ZCCHC14: variants seen among roughly 807,000 people sequenced by gnomAD.
ZCCHC14 encodes zinc finger CCHC domain-containing protein 14.
A neutral mutation model predicts 85.0 loss-of-function variants in ZCCHC14; 16 were observed. That is an observed-to-expected ratio of 0.19 (90% confidence interval 0.13 to 0.29). The LOEUF is 0.29. Ranked by LOEUF, ZCCHC14 falls within the 10% of genes least tolerant of loss-of-function variation. The pLI is 1.00. For synonymous variants in ZCCHC14, 775 were observed against 630.7 expected (o/e 1.23, Z -3.43); for missense variants, 1,303 against 1,443.5 (o/e 0.90, Z 1.58).
intron 2 of ZCCHC14, among the ~76,000 whole-genome samples, chr16:87,450,836 G>A (rs926797653): frequency 2.0e-5 from 3 of 151,980 alleles, no homozygotes; most frequent in African/African-American, 4.8e-5. Flanking sequence ...GATTACAAGC[G>A]TGAGCCACTG....
intron 12 of ZCCHC14, among the ~76,000 whole-genome samples, chr16:87,410,560 C>T (rs1460634162): frequency 6.6e-6 from 1 of 152,178 alleles, no homozygotes; most frequent in Admixed American, 6.5e-5. Context: ...AAAAGTTCAC[C>T]ATCTTTTTCT....
intron 1 of ZCCHC14, chr16:87,472,184 G>A (rs1385275322): frequency 6.6e-6 from 1 of 152,202 alleles, no homozygotes; most frequent in Non-Finnish European, 1.5e-5. Context: ...GATGCCAAAT[G>A]CCGGCCCTAC....
chr16:87,475,905 G>C (rs916789918), intron 1 of ZCCHC14, among the ~76,000 whole-genome samples: 3 of 152,084 alleles, frequency 2.0e-5, no homozygotes, highest in Admixed American at 2.0e-4. Context: ...GTAAGTTCAG[G>C]ACACCAAATA....
intron 2 of ZCCHC14, 88 bp from the exon 3 acceptor site, chr16:87,433,289 A>C: frequency 7.6e-7 from 1 of 1,311,792 alleles, no homozygotes; most frequent in Non-Finnish European, 1.1e-6. Flanking sequence ...GCAGTTTTCA[A>C]AACCAGGTTC....
At chr16:87,455,783 C>T (rs1357103116) in intron 2 of ZCCHC14, among the ~76,000 whole-genome samples, 2 of 152,194 alleles carry the variant, frequency 1.3e-5, no homozygotes, top group African/African-American at 4.8e-5. Flanking sequence ...CTGCTTCGAG[C>T]GCCCATACAA....
chr16:87,410,314 G>C lies in ZCCHC14; in HGVS notation c.3227C>G (p.Ala1076Gly). 1 of 776,398 alleles carries C rather than the reference G, an allele frequency of 1.3e-6. No individual in the cohort carries two copies. Among genetic ancestry groups the C allele is most frequent in the Non-Finnish European group, 2.4e-6 (1 of 416,500 alleles). The allele number at this position is 776,398 out of a possible 1,614,324, so 48.1% of individuals were successfully genotyped here. A position where few individuals can be genotyped will look rare whatever the true frequency, so the allele number is the denominator to read the frequency against. The part of the protein sequence containing the change: ...NRPGTFRLKY[A>G]PPAESLDSTD The stretch of plus-strand genomic sequence containing the variant: ...GGAGTCCAGACTTTCTGCTGGAGGG[G>C]CGTATTTCAACCTAAAAGTACCTAG... Residue 1076 changes from alanine to glycine, a missense_variant, in exon 13 of 13, where the codon GCC (alanine) becomes GGC (glycine). Ala to Gly is a moderately conservative substitution (Grantham distance 60, BLOSUM62 0). Around this residue, in one of 7 missense-constraint regions of ZCCHC14, gnomAD observed 797 missense variants for 730.8 expected, o/e 1.09. Coordinates refer to ENST00000671377, the MANE Select transcript of ZCCHC14 (RefSeq NM_015144.3).
At chr16:87,471,320 G>A (rs895096136) in intron 1 of ZCCHC14, 1 of 152,346 alleles carries the variant, frequency 6.6e-6, no homozygotes. Flanking sequence ...CAGTTTAAGA[G>A]TGAAAGCTAT....
Position 87,411,868 on chromosome 16 carries a change from G to C in ZCCHC14, c.2853C>G (p.Phe951Leu). 6.2e-7 allele frequency: 1 copy of C among 1,605,374 alleles called. No individual in the cohort carries two copies. The highest frequency in any genetic ancestry group is 8.5e-7 in the Non-Finnish European group (1 of 1,176,570). ...GGAAGGTGAACACGGACGGACCGGA[G>C]AACGGGTGCTGGAAGTAGTTGGCGT... ...VSYANYFQHP[F>L]SGPSVFTFPF... The change falls in exon 12 of 13, where the codon TTC becomes TTG. Residue 951 changes from phenylalanine (F) to leucine (L), a missense_variant. Physicochemically the swap from Phe to Leu is conservative, Grantham distance 22. This residue lies in a region of ZCCHC14 where 797 missense variants were observed against 730.8 expected (regional missense o/e 1.09). Transcript: ENST00000671377.
intron 9 of ZCCHC14, 112 bp from the exon 10 acceptor site, chr16:87,414,653 A>G: frequency 7.1e-7 from 1 of 1,417,278 alleles, no homozygotes; most frequent in South Asian, 1.4e-5. Flanking sequence ...ATACAGGGCG[A>G]CTTCGAGATG....
intron 1 of ZCCHC14, chr16:87,472,031 C>T (rs932200874): frequency 6.6e-6 from 1 of 152,182 alleles, no homozygotes; most frequent in African/African-American, 2.4e-5. Flanking sequence ...TACTACCCTC[C>T]ACTAAAAAAA....
At chr16:87,453,816 G>A (rs141721149) in intron 2 of ZCCHC14, among the ~76,000 whole-genome samples, 2 of 152,308 alleles carry the variant, frequency 1.3e-5, no homozygotes, top group African/African-American at 2.4e-5. Context: ...AAGAGAAAAC[G>A]CGATGAATGG....
In ZCCHC14 at chr16:87,412,146, T is replaced by A. The variant is rs750108270; in HGVS notation, c.2575A>T (p.Thr859Ser). ...HPSTSFANMA[T>S]LPSCPAPSSS... Reference sequence around the variant, plus strand: ...CTGGGGGCTGGGCAGCTGGGCAACGTGGCCATGTTGGCAAAGGACGTGGAG... The same window carrying A: ...CTGGGGGCTGGGCAGCTGGGCAACGAGGCCATGTTGGCAAAGGACGTGGAG... The change falls in exon 12 of 13, where the codon ACG (threonine) becomes TCG (serine). Residue 859 changes from threonine to serine, a missense_variant. Coordinates refer to ENST00000671377, the MANE Select transcript of ZCCHC14 (RefSeq NM_015144.3). The A allele has an allele frequency of 1.4e-5, 22 of 1,613,814 alleles. No individual in the cohort carries two copies. The African/African-American group carries it at 2.5e-4, about 19-fold the overall frequency.
At chr16:87,489,169 A>T (rs1912641628) in intron 1 of ZCCHC14, among the ~76,000 whole-genome samples, 1 of 152,212 alleles carries the variant, frequency 6.6e-6, no homozygotes, top group African/African-American at 2.4e-5. Flanking sequence ...ACAGAAACGA[A>T]AGTTAAATGA....
chr16:87,413,092 C>G lies in ZCCHC14; in HGVS notation c.1707G>C (p.Arg569=). The G allele has an allele frequency of 1.2e-6, 2 of 1,614,116 alleles. No individual in the cohort carries two copies. The highest frequency in any genetic ancestry group is 8.5e-7 in the Non-Finnish European group (1 of 1,180,018). Residue 569 remains arginine, a synonymous_variant, in exon 11 of 13, where the codon CGG becomes CGC. Coordinates refer to ENST00000671377, the MANE Select transcript of ZCCHC14 (RefSeq NM_015144.3). ...CCTCAGCGCTGTCGGAGCTCTCTTCCCGGGCCTGTACCCCCATGGGGCTGG... is the reference window on the plus strand; with the variant it reads ...CCTCAGCGCTGTCGGAGCTCTCTTCGCGGGCCTGTACCCCCATGGGGCTGG... ...SSSSPMGVQA[R]EESSDSAEEN...
chr16:87,455,401 C>T (rs906787379), intron 2 of ZCCHC14, among the ~76,000 whole-genome samples: 1 of 152,102 alleles, frequency 6.6e-6, no homozygotes, highest in Non-Finnish European at 1.5e-5. Context: ...GCTTCTGTGT[C>T]ACATGGAGTG....
rs1172046310 is a variant in ZCCHC14 at position 87,491,041 on chromosome 16, T to C, written c.570+628A>G. 6.6e-6 allele frequency among the ~76,000 whole-genome samples: 1 copy of C among 152,242 alleles called. No homozygotes were observed. The highest frequency in any genetic ancestry group is 2.4e-5 in the African/African-American group (1 of 41,468). On this transcript the variant is annotated intron_variant, in intron 1 of 12. Coordinates refer to ENST00000671377, the MANE Select transcript of ZCCHC14 (RefSeq NM_015144.3). The surrounding 1 kb of genome is among the most constrained non-coding windows in gnomAD (Gnocchi z 5.9). ...TGGCGTGGCCACGGCTCCTTCCTTT[T>C]CTGGTAATAAATACCAGATTTGGGG...
chr16:87,414,087 G>C (rs1908634036), intron 10 of ZCCHC14, among the ~76,000 whole-genome samples: 1 of 152,252 alleles, frequency 6.6e-6, no homozygotes, highest in Non-Finnish European at 1.5e-5. Flanking sequence ...GGCCCTCTCT[G>C]TGTCTGCGTA....
intron 1 of ZCCHC14, among the ~76,000 whole-genome samples, chr16:87,489,860 CACATTA>C (rs1243006232): frequency 1.3e-5 from 2 of 152,198 alleles, no homozygotes; most frequent in Non-Finnish European, 2.9e-5. Context: ...CCCGTGCTCA[CACATTA>C]AGAATCCCCT....
At chr16:87,431,850 C>G (rs1424049334) in intron 3 of ZCCHC14, among the ~76,000 whole-genome samples, 1 of 152,180 alleles carries the variant, frequency 6.6e-6, no homozygotes, top group Non-Finnish European at 1.5e-5. Flanking sequence ...TGGTCTTTCC[C>G]TGGGCTCCGC....
Sources: allele counts gnomAD v4.1 joint callset (sites outside exome capture counted in the v4.1 genomes callset), GRCh38; gene constraint gnomAD v4.1.1; regional missense constraint gnomAD v4.1.1; non-coding constraint Gnocchi (gnomAD v3.1); transcripts MANE v1.5; gene names NCBI Gene and HGNC (gene_info 2026-07-23, HGNC 2026-07-21).